RBFOX1: variants seen among roughly 807,000 people sequenced by gnomAD.
The protein encoded by RBFOX1 is RNA binding fox-1 homolog 1.
A neutral mutation model predicts 57.7 loss-of-function variants in RBFOX1; 8 were observed. The observed-to-expected ratio is 0.14, with a 90% CI of 0.08 to 0.25. The LOEUF (loss-of-function observed/expected upper bound fraction) is 0.25, where lower values mean the gene tolerates loss of function less well. Among genes scored for constraint, RBFOX1 ranks in the 10% least tolerant of loss-of-function variants. The pLI is 1.00. For missense variants in RBFOX1, 611 were observed against 548.5 expected (o/e 1.11, Z -1.14); for synonymous variants, 326 against 222.4 (o/e 1.47, Z -4.15).
Position 7,690,760 on chromosome 16 carries a change from G to C in RBFOX1, c.995+13922G>C, listed in dbSNP as rs949954498. Among the ~76,000 whole-genome samples, 7 of 152,122 alleles carry C rather than the reference G, an allele frequency of 4.6e-5. No individual in the cohort carries two copies. The East Asian group carries it at 1.4e-3, about 29-fold the overall frequency. On this transcript the variant is annotated intron_variant, in intron 14 of 15. Coordinates refer to ENST00000550418, the MANE Select transcript of RBFOX1 (RefSeq NM_018723.4). ...TGGTCATCTGGGGCAAATGGCTTGA[G>C]AGAGGGTCATAGATGATCCATTTAT...
chr16:7,187,379 A>G (rs898917670), intron 4 of RBFOX1, among the ~76,000 whole-genome samples: 1 of 152,070 alleles, frequency 6.6e-6, no homozygotes, highest in Non-Finnish European at 1.5e-5. Flanking sequence ...AGAAGTATAT[A>G]CATAATATGA....
chr16:5,495,849 A>G (rs2042984374), intron 2 of RBFOX1, among the ~76,000 whole-genome samples: 1 of 152,220 alleles, frequency 6.6e-6, no homozygotes, highest in Non-Finnish European at 1.5e-5. Context: ...TTAAGGGCTG[A>G]GCATGGTGGC....
At chr16:7,047,110 C>G (rs2048250823) in intron 3 of RBFOX1, among the ~76,000 whole-genome samples, 1 of 151,302 alleles carries the variant, frequency 6.6e-6, no homozygotes, top group Non-Finnish European at 1.5e-5. Flanking sequence ...GTCCAGTCAC[C>G]TATTAACATT....
At chr16:6,402,842 C>T (rs184984788) in intron 2 of RBFOX1, among the ~76,000 whole-genome samples, 3 of 152,108 alleles carry the variant, frequency 2.0e-5, no homozygotes, top group East Asian at 3.9e-4. Context: ...ACCTAAAATT[C>T]ATGTGGGAAG....
intron 2 of RBFOX1, among the ~76,000 whole-genome samples, chr16:6,380,659 C>G (rs2091719604): frequency 6.6e-6 from 1 of 151,902 alleles, no homozygotes; most frequent in Non-Finnish European, 1.5e-5. Context: ...ACATGCATTG[C>G]TATCATGAGT....
intron 3 of RBFOX1, among the ~76,000 whole-genome samples, chr16:6,940,396 A>C (rs917674286): frequency 2.5e-4 from 38 of 152,170 alleles, no homozygotes; most frequent in Admixed American, 2.4e-3. Flanking sequence ...CAGGAACTTA[A>C]CAATTCAGGA....
At chr16:5,569,438 C>CTTTTTTT (rs796279138) in intron 2 of RBFOX1, among the ~76,000 whole-genome samples, 838 of 48,864 alleles carry the variant, frequency 0.017, 37 homozygotes, top group Middle Eastern at 0.028. Flanking sequence ...AAGAAGTAAC[C>CTTTTTTT]TTTTTTTTTT....
intron 2 of RBFOX1, among the ~76,000 whole-genome samples, chr16:6,427,098 A>T (rs144509065): frequency 6.6e-6 from 1 of 152,344 alleles, no homozygotes; most frequent in African/African-American, 2.4e-5. Flanking sequence ...CTGTAGAGTG[A>T]CACAGAAACC....
At chr16:5,580,333 T>TACA (rs2046622168) in intron 2 of RBFOX1, among the ~76,000 whole-genome samples, 1 of 152,194 alleles carries the variant, frequency 6.6e-6, no homozygotes, top group Non-Finnish European at 1.5e-5. Flanking sequence ...TGATTGGTAA[T>TACA]TGAGCTTGTG....
chr16:6,394,544 C>A, intron 2 of RBFOX1, among the ~76,000 whole-genome samples: 1 of 151,346 alleles, frequency 6.6e-6, no homozygotes, highest in Non-Finnish European at 1.5e-5. Flanking sequence ...AGAAATTATG[C>A]AAAAGAAACG....
At chr16:7,006,444 C>T (rs1160490976) in intron 3 of RBFOX1, among the ~76,000 whole-genome samples, 14 of 152,074 alleles carry the variant, frequency 9.2e-5, no homozygotes, top group African/African-American at 3.1e-4. Context: ...TGAGCCACTG[C>T]GCCCGGCCAA....
chr16:6,267,746 C>T (rs1009227164), intron 1 of RBFOX1, among the ~76,000 whole-genome samples: 1 of 152,076 alleles, frequency 6.6e-6, no homozygotes, highest in Non-Finnish European at 1.5e-5. Context: ...AATTCGGGTA[C>T]AAGTCGCTTA....
chr16:7,597,463 C>G (rs777093171), intron 9 of RBFOX1, 32 bp downstream of exon 9: 3 of 1,517,916 alleles, frequency 2.0e-6, no homozygotes. Context: ...ACAAGAAATT[C>G]TCTCTACTTC....
intron 2 of RBFOX1, among the ~76,000 whole-genome samples, chr16:6,599,756 G>C (rs1265948190): frequency 6.6e-6 from 1 of 152,136 alleles, no homozygotes; most frequent in Non-Finnish European, 1.5e-5. Context: ...AAGCCATCTT[G>C]AGCAGGTGCG....
chr16:7,169,598 A>G (rs1278007434), intron 4 of RBFOX1, among the ~76,000 whole-genome samples: 2 of 152,222 alleles, frequency 1.3e-5, no homozygotes, highest in Non-Finnish European at 2.9e-5. Flanking sequence ...CCTACCAGGT[A>G]GGTGCATTAT....
At chr16:5,719,202 CTTTT>C (rs34350208) in intron 3 of RBFOX1, among the ~76,000 whole-genome samples, 27 of 120,082 alleles carry the variant, frequency 2.2e-4, no homozygotes, top group African/African-American at 4.3e-4. Flanking sequence ...ATATTAGAAT[CTTTT>C]TTTTTTTTTT....
intron 2 of RBFOX1, among the ~76,000 whole-genome samples, chr16:5,478,373 G>A (rs1371494125): frequency 2.6e-5 from 4 of 152,114 alleles, no homozygotes; most frequent in African/African-American, 9.7e-5. Flanking sequence ...GTGCTTCCAG[G>A]AACGGGTAAT....
At chr16:5,452,756 G>A (rs982979514) in intron 1 of RBFOX1, among the ~76,000 whole-genome samples, 8 of 151,460 alleles carry the variant, frequency 5.3e-5, no homozygotes, top group Non-Finnish European at 7.4e-5. Flanking sequence ...CCATTCTCCC[G>A]CCTCAGCCTC....
At chr16:6,156,102 G>C (rs1341691521) in intron 1 of RBFOX1, among the ~76,000 whole-genome samples, 2 of 152,152 alleles carry the variant, frequency 1.3e-5, no homozygotes, top group Non-Finnish European at 2.9e-5. Context: ...CCTTTGTTTA[G>C]CTAGGATTCA....
Sources: allele counts gnomAD v4.1 joint callset (sites outside exome capture counted in the v4.1 genomes callset), GRCh38; gene constraint gnomAD v4.1.1; transcripts MANE v1.5; gene names NCBI Gene and HGNC (gene_info 2026-07-23, HGNC 2026-07-21).